Variants in ROBO1 observed in about 807,000 individuals in gnomAD.
ROBO1 encodes roundabout guidance receptor 1.
In ROBO1, 149 loss-of-function variants were observed where a neutral mutation model predicts 195.9. The ratio of observed to expected loss-of-function variants is 0.76; its 90% CI spans 0.67 to 0.87. The LOEUF is 0.87. Ranked by LOEUF, ROBO1 falls within the 40% of genes least tolerant of loss-of-function variation. The pLI is 0.00. For synonymous variants in ROBO1, 816 were observed against 733.2 expected, an observed-to-expected ratio of 1.11 and a Z score of -1.82; for missense variants, 1,933 against 2,068.3, an observed-to-expected ratio of 0.93 and a Z score of 1.27.
At chr3:79,535,540 G>A (rs1941825001) in intron 2 of ROBO1, among the ~76,000 whole-genome samples, 3 of 152,148 alleles carry the variant, frequency 2.0e-5, no homozygotes. Context: ...GAGGTTGTCT[G>A]CAATAACAAA....
intron 1 of ROBO1, among the ~76,000 whole-genome samples, chr3:79,596,606 T>C (rs905697417): frequency 1.3e-5 from 2 of 152,208 alleles, no homozygotes; most frequent in Non-Finnish European, 2.9e-5. Context: ...TATTAATTAT[T>C]ATTAGGAAAA....
intron 2 of ROBO1, among the ~76,000 whole-genome samples, chr3:79,474,893 A>T (rs1938469438): frequency 6.6e-6 from 1 of 152,042 alleles, no homozygotes; most frequent in South Asian, 2.1e-4. Context: ...TAGCCTAGCA[A>T]ATCAGATTTG....
intron 3 of ROBO1, among the ~76,000 whole-genome samples, chr3:79,042,732 A>AT (rs2078511926): frequency 6.6e-6 from 1 of 152,158 alleles, no homozygotes; most frequent in South Asian, 2.1e-4. Flanking sequence ...TAAGATAATT[A>AT]TTTTTATCTA....
In ROBO1 at chr3:78,851,432, T is replaced by C. The variant is rs184577558; in HGVS notation, c.499+87169A>G. 1.4e-3 allele frequency among the ~76,000 whole-genome samples: 211 copies of C among 152,330 alleles called. 1 individual carries two copies. The highest frequency in any genetic ancestry group is 0.012 in the Admixed American group (179 of 15,308). On this transcript the variant is annotated intron_variant, in intron 4 of 30. Transcript: ENST00000464233. Reference sequence around the variant, plus strand: ...TTAGAGTTACCAGTCCTTATGGCATTTGGGTAAGTCGGGACTCTAACTAAC... The same window carrying C: ...TTAGAGTTACCAGTCCTTATGGCATCTGGGTAAGTCGGGACTCTAACTAAC...
intron 8 of ROBO1, among the ~76,000 whole-genome samples, chr3:78,691,067 A>G (rs2081162588): frequency 6.6e-6 from 1 of 152,134 alleles, no homozygotes; most frequent in Admixed American, 6.6e-5. Context: ...GCCACAAGAC[A>G]TGTCTTAGAA....
chr3:79,628,366 A>C (rs1265054994), intron 1 of ROBO1, among the ~76,000 whole-genome samples: 3 of 152,174 alleles, frequency 2.0e-5, no homozygotes, highest in Non-Finnish European at 4.4e-5. Context: ...CATAATCCTC[A>C]GCAGACTAAC....
intron 2 of ROBO1, among the ~76,000 whole-genome samples, chr3:79,482,977 C>T (rs963657725): frequency 3.3e-5 from 5 of 152,162 alleles, no homozygotes; most frequent in Admixed American, 1.3e-4. Context: ...AGTCAAACTC[C>T]TCAACAACAA....
intron 3 of ROBO1, among the ~76,000 whole-genome samples, chr3:79,070,731 G>T (rs915334846): frequency 1.3e-5 from 2 of 151,656 alleles, no homozygotes; most frequent in African/African-American, 4.8e-5. Context: ...GAAGAGCCAT[G>T]TACCTCTTTA....
chr3:79,560,745 C>CATGTGTAT (rs1174054975), intron 2 of ROBO1, among the ~76,000 whole-genome samples: 1 of 151,714 alleles, frequency 6.6e-6, no homozygotes, highest in African/African-American at 2.4e-5. Flanking sequence ...CAAGGAATTT[C>CATGTGTAT]ATGTGTATAT....
intron 2 of ROBO1, among the ~76,000 whole-genome samples, chr3:79,382,624 G>A (rs73848871): frequency 0.014 from 2,105 of 152,178 alleles, 38 homozygotes; most frequent in African/African-American, 0.046. Flanking sequence ...TAAGTTGAAG[G>A]TATGATTCTT....
intron 3 of ROBO1, among the ~76,000 whole-genome samples, chr3:79,008,373 T>C (rs2077676699): frequency 6.6e-6 from 1 of 152,176 alleles, no homozygotes; most frequent in Non-Finnish European, 1.5e-5. Flanking sequence ...TTTTTATTAT[T>C]ATCACAATTG....
At chr3:79,178,959 A>G (rs1425058812) in intron 2 of ROBO1, among the ~76,000 whole-genome samples, 1 of 152,184 alleles carries the variant, frequency 6.6e-6, no homozygotes, top group Non-Finnish European at 1.5e-5. Context: ...GCATATTAGG[A>G]CCTGAATTGG....
intron 2 of ROBO1, among the ~76,000 whole-genome samples, chr3:79,319,782 A>G (rs550641803): frequency 2.6e-5 from 4 of 152,298 alleles, no homozygotes; most frequent in African/African-American, 9.6e-5. Context: ...AATATAATAA[A>G]AAATGCCTAC....
intron 2 of ROBO1, among the ~76,000 whole-genome samples, chr3:79,458,193 A>G (rs1475621218): frequency 1.3e-5 from 2 of 152,192 alleles, no homozygotes; most frequent in Non-Finnish European, 2.9e-5. Flanking sequence ...GCGGCATAAT[A>G]AAGATAGACT....
chr3:78,914,745 A>G (rs1008368178), intron 4 of ROBO1, among the ~76,000 whole-genome samples: 5 of 138,078 alleles, frequency 3.6e-5, no homozygotes, highest in Non-Finnish European at 6.4e-5. Context: ...TACCATGTAT[A>G]CATTTTATAA....
chr3:79,197,361 C>A (rs1364446101), intron 2 of ROBO1, among the ~76,000 whole-genome samples: 1 of 152,002 alleles, frequency 6.6e-6, no homozygotes, highest in South Asian at 2.1e-4. Context: ...CTGCAAAGGA[C>A]ATGAACTCAT....
intron 1 of ROBO1, among the ~76,000 whole-genome samples, chr3:79,620,341 G>A (rs1011200093): frequency 2.6e-5 from 4 of 152,078 alleles, no homozygotes; most frequent in African/African-American, 9.7e-5. Flanking sequence ...CAGACACTTT[G>A]GGTAACTCTT....
chr3:79,705,060 T>C (rs1299651090), intron 1 of ROBO1, among the ~76,000 whole-genome samples: 1 of 152,014 alleles, frequency 6.6e-6, no homozygotes, highest in South Asian at 2.1e-4. Context: ...GTTTTACAAG[T>C]TCTTTATATA....
At chr3:79,009,351 T>A (rs1408814699) in intron 3 of ROBO1, among the ~76,000 whole-genome samples, 1 of 152,066 alleles carries the variant, frequency 6.6e-6, no homozygotes, top group Admixed American at 6.5e-5. Context: ...AGTGGTATAG[T>A]GTAAGAAACT....
Sources: gnomAD v4.1 joint callset for allele counts (sites outside exome capture counted in the v4.1 genomes callset) on GRCh38, gnomAD v4.1.1 for gene constraint, MANE v1.5 for transcripts, NCBI Gene and HGNC (gene_info 2026-07-23, HGNC 2026-07-21) for gene names.